PCCA: variants seen among roughly 807,000 people sequenced by gnomAD.
PCCA encodes propionyl-CoA carboxylase alpha chain, mitochondrial.
Under a neutral mutation model 101.3 loss-of-function variants are expected in PCCA, and 74 were observed. That is an observed-to-expected ratio of 0.73 (90% CI 0.61 to 0.89). The LOEUF (loss-of-function observed/expected upper bound fraction) is 0.89, where lower values mean the gene tolerates loss of function less well. PCCA is among the 40% of genes least tolerant of loss of function. The pLI is 0.00. For missense variants in PCCA, 891 were observed against 907.0 expected (o/e 0.98, Z 0.23); for synonymous variants, 294 against 313.6 (o/e 0.94, Z 0.66).
chr13:100,332,142 TTGGCCAGGCTTGAACTC>T (rs2069712227), intron 17 of PCCA, among the ~76,000 whole-genome samples: 1 of 152,152 alleles, frequency 6.6e-6, no homozygotes, highest in Non-Finnish European at 1.5e-5. Context: ...TTTCACCATG[TTGGCCAGGCTTGAACTC>T]GAACTCTTGA....
intron 4 of PCCA, among the ~76,000 whole-genome samples, chr13:100,152,589 GGCGTCCGC>G (rs2053465282): frequency 3.9e-5 from 6 of 152,054 alleles, no homozygotes; most frequent in Admixed American, 3.9e-4. Flanking sequence ...TGGGACTACA[GGCGTCCGC>G]CACCACGCCT....
chr13:100,157,936 A>G (rs1182736812), intron 6 of PCCA, among the ~76,000 whole-genome samples: 4 of 152,216 alleles, frequency 2.6e-5, no homozygotes, highest in Non-Finnish European at 5.9e-5. Context: ...AATTTATTCT[A>G]ATATGTTATA....
chr13:100,183,141 T>G (rs2056951587), intron 6 of PCCA, among the ~76,000 whole-genome samples: 2 of 152,140 alleles, frequency 1.3e-5, no homozygotes, highest in African/African-American at 2.4e-5. Flanking sequence ...TGCGTGTGGG[T>G]GCATGCATGC....
At chr13:100,441,963 CATCA>C (rs2080397529) in intron 20 of PCCA, among the ~76,000 whole-genome samples, 1 of 150,440 alleles carries the variant, frequency 6.6e-6, no homozygotes, top group African/African-American at 2.4e-5. Context: ...TTTTTCTTTA[CATCA>C]ATCTTTTCTT....
chr13:100,489,671 T>C (rs879362441), intron 21 of PCCA, among the ~76,000 whole-genome samples: 6 of 152,268 alleles, frequency 3.9e-5, no homozygotes, highest in African/African-American at 7.2e-5. Context: ...GCCAAATTTA[T>C]ATTTATTGTG....
At position 100,391,593 on chromosome 13, in the gene PCCA, C is replaced by T. The variant is rs149166067; in HGVS notation, c.1746+23019C>T. Among the ~76,000 whole-genome samples, 633 of 152,106 alleles carry T rather than the reference C, an allele frequency of 4.2e-3. 8 individuals are homozygous for T. The highest frequency in any genetic ancestry group is 0.031 in the South Asian group (151 of 4,810). ...GAGGCCAGGACACAGGGAGGCTAGGCGGAGAGGTGCCAGTGAGGGAGGTGG... is the reference window on the plus strand; with the variant it reads ...GAGGCCAGGACACAGGGAGGCTAGGTGGAGAGGTGCCAGTGAGGGAGGTGG... On this transcript the variant is annotated intron_variant, in intron 19 of 23. Coordinates refer to ENST00000376285, the MANE Select transcript of PCCA (RefSeq NM_000282.4).
intron 1 of PCCA, among the ~76,000 whole-genome samples, chr13:100,089,906 TG>T (rs748471466): frequency 6.6e-6 from 1 of 152,190 alleles, no homozygotes; most frequent in Non-Finnish European, 1.5e-5. Context: ...GATGGCAGAT[TG>T]ACAAACAGGT....
chr13:100,274,302 A>G (rs113290439), intron 12 of PCCA, among the ~76,000 whole-genome samples: 119 of 152,212 alleles, frequency 7.8e-4, no homozygotes, highest in Non-Finnish European at 1.2e-3. Context: ...TCAGCATGGC[A>G]TTTGTGAGAT....
chr13:100,397,947 GTGA>G (rs2077130255), intron 19 of PCCA, among the ~76,000 whole-genome samples: 1 of 152,210 alleles, frequency 6.6e-6, no homozygotes, highest in African/African-American at 2.4e-5. Context: ...TGAAAACCTA[GTGA>G]TGATGATTTG....
chr13:100,106,113 G>A (rs886227176), intron 2 of PCCA, among the ~76,000 whole-genome samples: 5 of 152,082 alleles, frequency 3.3e-5, no homozygotes, highest in Admixed American at 6.6e-5. Context: ...TAGTCTGACA[G>A]TATGGTTAGC....
chr13:100,261,164 A>G (rs2062476924), intron 9 of PCCA, among the ~76,000 whole-genome samples: 1 of 152,124 alleles, frequency 6.6e-6, no homozygotes, highest in Non-Finnish European at 1.5e-5. Context: ...TAATATTAGT[A>G]GATGGACCAT....
chr13:100,292,060 A>C (rs2065166720), intron 12 of PCCA, among the ~76,000 whole-genome samples: 2 of 152,036 alleles, frequency 1.3e-5, no homozygotes, highest in Admixed American at 1.3e-4. Flanking sequence ...TGGAGTGGAG[A>C]GGTGGGAGCC....
intron 1 of PCCA, among the ~76,000 whole-genome samples, chr13:100,100,234 AT>A (rs1395894717): frequency 2.0e-5 from 3 of 152,320 alleles, no homozygotes; most frequent in Admixed American, 6.5e-5. Flanking sequence ...CTGAGGGTCA[AT>A]GCCACTTCCT....
intron 12 of PCCA, among the ~76,000 whole-genome samples, chr13:100,291,561 T>C (rs2065125197): frequency 6.6e-6 from 1 of 152,220 alleles, no homozygotes; most frequent in South Asian, 2.1e-4. Flanking sequence ...TAATCATTAT[T>C]CTGAATGTTT....
chr13:100,515,729 G>A (rs1328262683), intron 22 of PCCA, among the ~76,000 whole-genome samples, 162 bp downstream of exon 22: 2 of 152,202 alleles, frequency 1.3e-5, no homozygotes, highest in African/African-American at 2.4e-5. Context: ...CCTGTTTCAC[G>A]TTTGCATTAC....
At chr13:100,324,813 C>T (rs1038721855) in intron 16 of PCCA, among the ~76,000 whole-genome samples, 5 of 152,218 alleles carry the variant, frequency 3.3e-5, no homozygotes, top group African/African-American at 1.2e-4. Flanking sequence ...TGCTGATCAC[C>T]GCTGTGTGAT....
intron 16 of PCCA, among the ~76,000 whole-genome samples, chr13:100,322,937 G>T (rs990096780): frequency 6.6e-6 from 1 of 152,092 alleles, no homozygotes; most frequent in Non-Finnish European, 1.5e-5. Context: ...AACTAGTTGC[G>T]CAGTTTCCCA....
In PCCA at chr13:100,107,200, C is replaced by T. The variant is rs142155691; in HGVS notation, c.183+4240C>T. Among the ~76,000 whole-genome samples the T allele has an allele frequency of 6.0e-4, 91 of 152,198 alleles. No individual in the cohort carries two copies. The East Asian group carries it at 9.4e-3, about 16-fold the overall frequency. ...TGACTTACATCATGTGCAAATTATC[C>T]GGGTGAAATTTAATCATTACTGAAA... On this transcript the variant is annotated intron_variant, in intron 2 of 23. Coordinates refer to ENST00000376285, the MANE Select transcript of PCCA (RefSeq NM_000282.4).
intron 4 of PCCA, among the ~76,000 whole-genome samples, chr13:100,116,414 T>C (rs2048802742): frequency 6.6e-6 from 1 of 152,318 alleles, no homozygotes; most frequent in Middle Eastern, 3.4e-3. Context: ...ACATATCAAC[T>C]AATAAGTCAC....
Sources: allele counts gnomAD v4.1 joint callset (sites outside exome capture counted in the v4.1 genomes callset), GRCh38; gene constraint gnomAD v4.1.1; transcripts MANE v1.5; gene names NCBI Gene and HGNC (gene_info 2026-07-23, HGNC 2026-07-21).